Variants in AMBRA1 observed in about 807,000 individuals in gnomAD.
AMBRA1 encodes the protein activating molecule in BECN1-regulated autophagy protein 1.
AMBRA1 carries 47 observed loss-of-function variants against 125.4 expected under a neutral mutation model. The observed-to-expected ratio is 0.37, with a 90% CI of 0.30 to 0.48. AMBRA1 has a LOEUF of 0.48. Ranked by LOEUF, AMBRA1 falls within the 20% of genes least tolerant of loss-of-function variation. AMBRA1 has a pLI of 0.99. For synonymous variants in AMBRA1, 626 were observed against 655.5 expected, an observed-to-expected ratio of 0.95 and a Z score of 0.69; for missense variants, 1,331 against 1,693.4, an observed-to-expected ratio of 0.79 and a Z score of 3.76.
intron 7 of AMBRA1, among the ~76,000 whole-genome samples, chr11:46,537,120 C>T (rs550707989): frequency 9.8e-5 from 15 of 152,294 alleles, no homozygotes; most frequent in African/African-American, 2.6e-4. Context: ...ATAACTAAAA[C>T]AGCATTTCTC....
Position 46,563,633 on chromosome 11 carries a change from A to C in AMBRA1, c.-120-15133T>G, listed in dbSNP as rs543914763. On this transcript the variant is annotated intron_variant, in intron 1 of 17. Coordinates refer to ENST00000683756, the MANE Select transcript of AMBRA1 (RefSeq NM_001387011.1). ...GGCGGCCAGATCACTTGAAGTCAGGAGTTTGAGACCAGCCTGGCCAATGTA... is the reference window on the plus strand; with the variant it reads ...GGCGGCCAGATCACTTGAAGTCAGGCGTTTGAGACCAGCCTGGCCAATGTA... Among the ~76,000 whole-genome samples, 4 of 152,230 alleles carry C rather than the reference A, an allele frequency of 2.6e-5. No individual in the cohort carries two copies. In the South Asian group the frequency reaches 8.3e-4, roughly 32 times the overall value.
Position 46,397,788 on chromosome 11 carries a change from G to A in AMBRA1, c.3559C>T (p.Arg1187Cys). Residue 1187 changes from arginine to cysteine, a missense_variant, in exon 18 of 18, where the codon CGC (arginine) becomes TGC (cysteine). By Grantham distance (180) the Arg-to-Cys change is radical. Coordinates refer to ENST00000683756, the MANE Select transcript of AMBRA1 (RefSeq NM_001387011.1). Reference sequence around the variant, plus strand: ...CCCGTCTGAGAGCTGCGGTGAATGCGGTGGCTGACGATGATGTTGTTGCCG... The same window carrying A: ...CCCGTCTGAGAGCTGCGGTGAATGCAGTGGCTGACGATGATGTTGTTGCCG... Reference protein sequence around the residue: ...GFGNNIIVSHRIHRSSQTGTE... With the variant: ...GFGNNIIVSHCIHRSSQTGTE... 2 of 1,610,464 alleles carry A rather than the reference G, an allele frequency of 1.2e-6. No homozygotes were observed. Among genetic ancestry groups the A allele is most frequent in the Non-Finnish European group, 1.7e-6 (2 of 1,180,002 alleles).
intron 11 of AMBRA1, among the ~76,000 whole-genome samples, chr11:46,454,961 C>G (rs1333572679): frequency 6.7e-6 from 1 of 150,062 alleles, no homozygotes; most frequent in Non-Finnish European, 1.5e-5. Context: ...CTTACTGCAG[C>G]CTCAACCTTC....
chr11:46,508,462 C>T, intron 8 of AMBRA1, 92 bp from the exon 9 acceptor site: 1 of 1,310,010 alleles, frequency 7.6e-7, no homozygotes, highest in Non-Finnish European at 1.1e-6. Context: ...TGGCATCTCC[C>T]TGCTGAGGTG....
At chr11:46,565,436 G>A (rs1276830528) in intron 1 of AMBRA1, among the ~76,000 whole-genome samples, 1 of 151,940 alleles carries the variant, frequency 6.6e-6, no homozygotes, top group Non-Finnish European at 1.5e-5. Context: ...GCTGGGTGCA[G>A]TGGCTCACAC....
chr11:46,453,413 G>A (rs55971594), intron 11 of AMBRA1, among the ~76,000 whole-genome samples: 4,927 of 152,136 alleles, frequency 0.032, 105 homozygotes, highest in Non-Finnish European at 0.051. Context: ...TTACAGGCAC[G>A]AGCCACTCTG....
intron 1 of AMBRA1, among the ~76,000 whole-genome samples, chr11:46,585,464 G>C (rs1323851227): frequency 6.7e-6 from 1 of 149,024 alleles, no homozygotes; most frequent in African/African-American, 2.5e-5. Context: ...TCAGGAGATC[G>C]AGACCATCCT....
At chr11:46,571,750 C>A (rs1055959152) in intron 1 of AMBRA1, among the ~76,000 whole-genome samples, 1 of 142,074 alleles carries the variant, frequency 7.0e-6, no homozygotes, top group Non-Finnish European at 1.5e-5. Context: ...AGTGCAGTGG[C>A]GTGATCTCAG....
chr11:46,443,957 T>C (rs1354918655), intron 11 of AMBRA1, among the ~76,000 whole-genome samples: 1 of 152,006 alleles, frequency 6.6e-6, no homozygotes, highest in African/African-American at 2.4e-5. Context: ...AAATGAAAAA[T>C]GGGAAGACAC....
intron 11 of AMBRA1, among the ~76,000 whole-genome samples, chr11:46,475,877 A>G (rs1348693597): frequency 6.6e-6 from 1 of 152,244 alleles, no homozygotes; most frequent in Admixed American, 6.5e-5. Flanking sequence ...GGCAGCTTCA[A>G]ATAAAGGATA....
chr11:46,481,538 T>C lies in AMBRA1; in HGVS notation c.2521+12070A>G, dbSNP rs1365647015. Among the ~76,000 whole-genome samples the C allele has an allele frequency of 3.9e-5, 6 of 152,254 alleles. No homozygotes were observed. In the East Asian group the frequency reaches 5.8e-4, roughly 15 times the overall value. ...GTCACCATGCCTGGCTAATTTTATA[T>C]TTTTAGCAGAGATAGGGTTTCTCCA... is the stretch of plus-strand genomic sequence containing the variant. On this transcript the variant is annotated intron_variant, in intron 11 of 17. Transcript: ENST00000683756.
At chr11:46,442,955 C>T (rs1948092176) in intron 12 of AMBRA1, among the ~76,000 whole-genome samples, 1 of 152,200 alleles carries the variant, frequency 6.6e-6, no homozygotes, top group Non-Finnish European at 1.5e-5. Flanking sequence ...CTCCTGACCT[C>T]AAGTGATCCG....
At chr11:46,546,513 A>C (rs1459391172) in intron 4 of AMBRA1, among the ~76,000 whole-genome samples, 1 of 152,148 alleles carries the variant, frequency 6.6e-6, no homozygotes, top group Non-Finnish European at 1.5e-5. Context: ...ATCCAACCTG[A>C]ACATATCTTA....
intron 7 of AMBRA1, among the ~76,000 whole-genome samples, chr11:46,524,158 G>A (rs548159175): frequency 3.9e-5 from 6 of 152,294 alleles, no homozygotes; most frequent in African/African-American, 4.8e-5. Flanking sequence ...GTGAGCCACC[G>A]CACCCGGCCT....
At chr11:46,493,457 G>A (rs1472388839) in intron 11 of AMBRA1, 151 bp downstream of exon 11, 1 of 610,994 alleles carries the variant, frequency 1.6e-6, no homozygotes, top group Non-Finnish European at 2.8e-6. Context: ...CTGCCTTCAA[G>A]TAAGGAACTG....
chr11:46,409,416 T>A (rs1004633638), intron 16 of AMBRA1, among the ~76,000 whole-genome samples: 6 of 152,138 alleles, frequency 3.9e-5, no homozygotes, highest in Non-Finnish European at 8.8e-5. Context: ...GCCAGGATGG[T>A]CTCCATCTCC....
intron 1 of AMBRA1, among the ~76,000 whole-genome samples, chr11:46,573,419 A>C (rs1436196446): frequency 6.6e-6 from 1 of 151,704 alleles, no homozygotes. Flanking sequence ...AACAAAACAA[A>C]AAAAAAAAAA....
At position 46,404,955 on chromosome 11, in the gene AMBRA1, C is replaced by T. The variant is rs1273997423; in HGVS notation, c.3403+3558G>A. 2.6e-5 allele frequency among the ~76,000 whole-genome samples: 4 copies of T among 152,294 alleles called. No individual in the cohort carries two copies. In the East Asian group the frequency reaches 7.7e-4, roughly 29 times the overall value. ...AGGTGGCAGCTCCTGCTCCCAGAGC[C>T]CCAGCATGTCACCTTCAGGCTGAAG... On this transcript the variant is annotated intron_variant, in intron 17 of 17. Coordinates refer to ENST00000683756, the MANE Select transcript of AMBRA1 (RefSeq NM_001387011.1).
chr11:46,521,887 C>G (rs553114226), intron 7 of AMBRA1, among the ~76,000 whole-genome samples: 1 of 152,230 alleles, frequency 6.6e-6, no homozygotes, highest in Non-Finnish European at 1.5e-5. Context: ...AAAGACACCA[C>G]AGTGCCTACA....
Sources: gnomAD v4.1 joint callset for allele counts (sites outside exome capture counted in the v4.1 genomes callset) on GRCh38, gnomAD v4.1.1 for gene constraint, MANE v1.5 for transcripts, NCBI Gene and HGNC (gene_info 2026-07-23, HGNC 2026-07-21) for gene names.